The following TRIQK variants were observed in gnomAD, a reference collection of about 807,000 sequenced individuals.
TRIQK encodes the protein triple QxxK/R motif-containing protein.
TRIQK carries 10 observed loss-of-function variants against 10.8 expected under a neutral mutation model. That is an observed-to-expected ratio of 0.92 (90% confidence interval 0.57 to 1.57). TRIQK has a LOEUF of 1.57. TRIQK is among the 40% of genes most tolerant of loss of function. The probability of loss-of-function intolerance (pLI) is 0.00; values close to 1 mark genes in which losing one functional copy is unlikely to be tolerated. For missense variants in TRIQK, 107 were observed against 97.7 expected, an observed-to-expected ratio of 1.09 and a Z score of -0.40; for synonymous variants, 33 against 33.7, an observed-to-expected ratio of 0.98 and a Z score of 0.07.
chr8:92,887,509 T>C (rs761658513), intron 4 of TRIQK, among the ~76,000 whole-genome samples: 3 of 151,402 alleles, frequency 2.0e-5, no homozygotes, highest in African/African-American at 4.8e-5. Flanking sequence ...TATGTATATA[T>C]CTCTGTGTGT....
chr8:92,966,951 C>A (rs1812771873), upstream of TRIQK, among the ~76,000 whole-genome samples: 1 of 66,154 alleles, frequency 1.5e-5, no homozygotes, highest in South Asian at 5.1e-4. Flanking sequence ...TATCTTTTTC[C>A]AAAAGCCCTT....
At chr8:93,012,943 G>T (rs1468436972) in intron 1 of TRIQK, among the ~76,000 whole-genome samples, 2 of 152,242 alleles carry the variant, frequency 1.3e-5, no homozygotes, top group African/African-American at 2.4e-5. Flanking sequence ...GTTTTCACAC[G>T]CACTCTAGGT....
upstream of TRIQK, among the ~76,000 whole-genome samples, chr8:92,967,669 A>C (rs1035129555): frequency 5.9e-5 from 9 of 151,938 alleles, no homozygotes; most frequent in African/African-American, 2.2e-4. Context: ...TAAAAATACA[A>C]AAATTAGGCA....
intron 1 of TRIQK, among the ~76,000 whole-genome samples, chr8:92,978,095 G>T (rs1261772119): frequency 2.0e-5 from 3 of 152,024 alleles, no homozygotes; most frequent in African/African-American, 7.2e-5. Context: ...TTTTCAAGAG[G>T]AATGCATTGT....
chr8:92,999,872 T>A (rs960283865), intron 1 of TRIQK, among the ~76,000 whole-genome samples: 1 of 152,166 alleles, frequency 6.6e-6, no homozygotes, highest in Non-Finnish European at 1.5e-5. Context: ...TTATTCTACA[T>A]ATGTAAATTT....
chr8:92,942,697 T>C (rs1444147800), intron 2 of TRIQK, among the ~76,000 whole-genome samples: 3 of 152,120 alleles, frequency 2.0e-5, no homozygotes, highest in African/African-American at 4.8e-5. Context: ...AAGTCAGTAG[T>C]ATTTCTTCTT....
At position 92,980,448 on chromosome 8, in the gene TRIQK, G is replaced by A. The variant is rs558953679; in HGVS notation, c.-180-25884C>T. Among the ~76,000 whole-genome samples, 41 of 152,064 alleles carry A rather than the reference G, an allele frequency of 2.7e-4. 1 individual carries two copies. The highest frequency in any genetic ancestry group is 7.2e-4 in the Admixed American group (11 of 15,230). Reference sequence around the variant, plus strand: ...TGAATACACTAGCTTCATAAAATGAGTTAGGTAGCTTCATCTCATTTTCTT... The same window carrying A: ...TGAATACACTAGCTTCATAAAATGAATTAGGTAGCTTCATCTCATTTTCTT... On this transcript the variant is annotated intron_variant, in intron 1 of 4. Transcript: ENST00000520686.
intron 1 of TRIQK, among the ~76,000 whole-genome samples, chr8:92,958,716 A>G (rs1456499714): frequency 6.6e-6 from 1 of 152,072 alleles, no homozygotes; most frequent in Non-Finnish European, 1.5e-5. Flanking sequence ...CCTTGAACTG[A>G]AAAGAAAAGT....
intron 1 of TRIQK, among the ~76,000 whole-genome samples, chr8:93,008,690 A>G (rs952212678): frequency 2.0e-5 from 3 of 152,204 alleles, no homozygotes; most frequent in African/African-American, 7.2e-5. Flanking sequence ...ATGCATTGAC[A>G]CCCAACCGAT....
At chr8:92,987,641 AAT>A (rs1333375333) in intron 1 of TRIQK, among the ~76,000 whole-genome samples, 1 of 152,180 alleles carries the variant, frequency 6.6e-6, no homozygotes, top group East Asian at 1.9e-4. Flanking sequence ...GTAGTGGGTG[AAT>A]ATATGATTCA....
intron 3 of TRIQK, among the ~76,000 whole-genome samples, chr8:92,905,595 A>G (rs886565412): frequency 1.3e-5 from 2 of 152,112 alleles, no homozygotes; most frequent in Admixed American, 6.6e-5. Context: ...TTAAACCTAT[A>G]GTACTTATTT....
chr8:93,006,569 A>G (rs541943021), intron 1 of TRIQK, among the ~76,000 whole-genome samples: 1 of 152,182 alleles, frequency 6.6e-6, no homozygotes, highest in East Asian at 1.9e-4. Flanking sequence ...AGGAGCAGCC[A>G]TCATCACTGA....
upstream of TRIQK, among the ~76,000 whole-genome samples, chr8:92,966,849 A>C (rs1473566393): frequency 1.3e-5 from 2 of 152,060 alleles, no homozygotes; most frequent in African/African-American, 4.8e-5. Flanking sequence ...TGGTGAACTA[A>C]ATCTAAAATT....
At chr8:92,921,413 C>A (rs1282311573) in intron 2 of TRIQK, 2 of 151,796 alleles carry the variant, frequency 1.3e-5, no homozygotes, top group East Asian at 3.9e-4. Flanking sequence ...ACTAATTTCC[C>A]AGCCTCCTTT....
intron 1 of TRIQK, among the ~76,000 whole-genome samples, chr8:93,002,777 G>A (rs545835930): frequency 2.9e-4 from 44 of 151,818 alleles, no homozygotes; most frequent in Non-Finnish European, 4.3e-4. Context: ...AAAATTAGCC[G>A]GGTGTGGTAG....
intron 2 of TRIQK, among the ~76,000 whole-genome samples, chr8:92,923,089 T>C (rs918861504): frequency 6.6e-6 from 1 of 151,762 alleles, no homozygotes; most frequent in Non-Finnish European, 1.5e-5. Context: ...TTGAGGCTAT[T>C]TTAAATGACC....
At chr8:93,009,637 T>G (rs1035483461) in intron 1 of TRIQK, among the ~76,000 whole-genome samples, 2 of 151,658 alleles carry the variant, frequency 1.3e-5, no homozygotes, top group Non-Finnish European at 2.9e-5. Context: ...ATAAAAATGT[T>G]GGCAAGGATG....
At position 92,958,028 on chromosome 8, in the gene TRIQK, A is replaced by G. The variant is rs1163627029; in HGVS notation, c.-180-3464T>C. ...ACCATTTCAAAATACCAATTTGATC[A>G]TGTTGCTCTCCATTTGAAAACCTGA... On this transcript the variant is annotated intron_variant, in intron 1 of 4. Coordinates refer to ENST00000521988, the MANE Select transcript of TRIQK (RefSeq NM_001171797.2). 2.0e-5 allele frequency among the ~76,000 whole-genome samples: 3 copies of G among 151,908 alleles called. No individual in the cohort carries two copies. In the East Asian group the frequency reaches 5.8e-4, roughly 29 times the overall value.
intron 1 of TRIQK, among the ~76,000 whole-genome samples, chr8:92,996,175 TC>T (rs2130753422): frequency 6.6e-6 from 1 of 152,184 alleles, no homozygotes; most frequent in South Asian, 2.1e-4. Context: ...AAATCTAAAC[TC>T]TTTTTTGTGG....
Sources: allele counts gnomAD v4.1 joint callset (sites outside exome capture counted in the v4.1 genomes callset), GRCh38; gene constraint gnomAD v4.1.1; transcripts MANE v1.5; gene names NCBI Gene and HGNC (gene_info 2026-07-23, HGNC 2026-07-21).